The following SUGCT variants were observed in gnomAD, a reference collection of about 807,000 sequenced individuals.
SUGCT encodes the protein succinyl-CoA:glutarate CoA-transferase.
A neutral mutation model predicts 55.0 loss-of-function variants in SUGCT; 41 were observed. The ratio of observed to expected loss-of-function variants is 0.74; its 90% CI spans 0.58 to 0.97. The LOEUF (loss-of-function observed/expected upper bound fraction) is 0.97, where lower values mean the gene tolerates loss of function less well. Ranked by LOEUF, SUGCT falls within the 50% of genes least tolerant of loss-of-function variation. The pLI is 0.00. For synonymous variants in SUGCT, 187 were observed against 200.4 expected (o/e 0.93, Z 0.56); for missense variants, 568 against 547.8 (o/e 1.04, Z -0.37).
In SUGCT at chr7:40,467,349, A is replaced by G. The variant is rs556592933; in HGVS notation, c.986+8151A>G. ...GTACGTCTATAAATTTATGGGTAGC[A>G]TGAGATATTTTGATACAGGCATGCA... On this transcript the variant is annotated intron_variant, in intron 11 of 13. Coordinates refer to ENST00000335693, the MANE Select transcript of SUGCT (RefSeq NM_001193313.2). Among the ~76,000 whole-genome samples the G allele has an allele frequency of 3.3e-5, 5 of 152,214 alleles. No homozygotes were observed. The South Asian group carries it at 1.0e-3, about 32-fold the overall frequency.
intron 7 of SUGCT, among the ~76,000 whole-genome samples, chr7:40,252,630 T>C (rs1461152687): frequency 6.6e-6 from 1 of 152,162 alleles, no homozygotes; most frequent in East Asian, 1.9e-4. Flanking sequence ...TGGTATATAA[T>C]AGGAATTTGG....
intron 12 of SUGCT, among the ~76,000 whole-genome samples, chr7:40,617,348 A>G (rs1799053974): frequency 6.6e-6 from 1 of 152,246 alleles, no homozygotes; most frequent in Admixed American, 6.5e-5. Flanking sequence ...GAAGCTTTAT[A>G]CTTTTATGCT....
At chr7:40,433,187 A>G (rs1003864538) in intron 9 of SUGCT, among the ~76,000 whole-genome samples, 2 of 151,822 alleles carry the variant, frequency 1.3e-5, no homozygotes, top group Admixed American at 6.6e-5. Flanking sequence ...GGAGCTTCTC[A>G]TTTTGTTTAT....
intron 8 of SUGCT, among the ~76,000 whole-genome samples, chr7:40,289,253 T>G (rs1224049675): frequency 1.3e-5 from 2 of 151,524 alleles, no homozygotes; most frequent in African/African-American, 4.9e-5. Flanking sequence ...GAGGCGAGAG[T>G]ATCAGAATCA....
chr7:40,426,440 A>G (rs1326741705), intron 9 of SUGCT, among the ~76,000 whole-genome samples: 1 of 152,230 alleles, frequency 6.6e-6, no homozygotes, highest in Non-Finnish European at 1.5e-5. Context: ...TCTTTTAGAA[A>G]GATGACTTAT....
intron 12 of SUGCT, among the ~76,000 whole-genome samples, chr7:40,744,135 C>T (rs1787611947): frequency 1.3e-5 from 2 of 151,510 alleles, no homozygotes; most frequent in Admixed American, 6.6e-5. Flanking sequence ...GCCATGTCGG[C>T]CAGGCTGGTC....
intron 9 of SUGCT, among the ~76,000 whole-genome samples, chr7:40,383,556 C>T (rs1784974405): frequency 6.6e-6 from 1 of 152,174 alleles, no homozygotes; most frequent in Non-Finnish European, 1.5e-5. Flanking sequence ...GTGGCATTTG[C>T]TTTCAGAGAA....
chr7:40,230,591 A>T (rs534705194), intron 6 of SUGCT, among the ~76,000 whole-genome samples: 1 of 152,324 alleles, frequency 6.6e-6, no homozygotes, highest in African/African-American at 2.4e-5. Flanking sequence ...GGAATTAGTG[A>T]TCTATTGGAT....
chr7:40,561,686 G>GTTT (rs1409845352), intron 12 of SUGCT, among the ~76,000 whole-genome samples: 1 of 132,148 alleles, frequency 7.6e-6, no homozygotes, highest in Non-Finnish European at 1.6e-5. Flanking sequence ...CTTAAGCCGA[G>GTTT]TCTTTTTTTT....
chr7:40,803,467 C>T (rs888764162), intron 13 of SUGCT, among the ~76,000 whole-genome samples: 2 of 152,156 alleles, frequency 1.3e-5, no homozygotes, highest in African/African-American at 2.4e-5. Flanking sequence ...TTTTTTCTGA[C>T]TCCAAAGCCT....
chr7:40,842,420 T>A (rs1793324412), intron 13 of SUGCT, among the ~76,000 whole-genome samples: 1 of 152,208 alleles, frequency 6.6e-6, no homozygotes, highest in Non-Finnish European at 1.5e-5. Flanking sequence ...TCATGGAGTC[T>A]TACCTATTAC....
intron 12 of SUGCT, among the ~76,000 whole-genome samples, chr7:40,695,335 C>A (rs1784878297): frequency 6.6e-6 from 1 of 151,730 alleles, no homozygotes; most frequent in African/African-American, 2.4e-5. Flanking sequence ...ATAGCTGGGA[C>A]CACAGGCACG....
chr7:40,650,741 C>T (rs752486402), intron 12 of SUGCT, among the ~76,000 whole-genome samples: 10 of 152,148 alleles, frequency 6.6e-5, no homozygotes, highest in Non-Finnish European at 1.3e-4. Context: ...TTCTAGGGTA[C>T]ATCTGCAGGA....
At position 40,449,301 on chromosome 7, in the gene SUGCT, G is replaced by A. The variant is rs1562785943; in HGVS notation, c.831G>A (p.Lys277=). The A allele has an allele frequency of 5.0e-6, 8 of 1,611,138 alleles. No homozygotes were observed. The highest frequency in any genetic ancestry group is 6.8e-6 in the Non-Finnish European group (8 of 1,177,940). ...ATTTCTTTTAGGCTTTTAAAACCAA[G>A]GATGGCTATATTGTAGTTGGAGCAG... is the stretch of plus-strand genomic sequence containing the variant. The part of the protein sequence containing the change: ...SIVPYQAFKT[K]DGYIVVGAGN... The change falls in exon 10 of 14, where the codon AAG becomes AAA. Residue 277 remains lysine, a synonymous_variant. Transcript: ENST00000335693.
At chr7:40,157,017 A>AAG (rs1266053200) in intron 1 of SUGCT, among the ~76,000 whole-genome samples, 5 of 151,792 alleles carry the variant, frequency 3.3e-5, no homozygotes, top group Non-Finnish European at 5.9e-5. Flanking sequence ...TGTCTCAAAA[A>AAG]AAAAAAAAAA....
At chr7:40,671,311 A>ATTT (rs1801927555) in intron 12 of SUGCT, among the ~76,000 whole-genome samples, 1 of 152,172 alleles carries the variant, frequency 6.6e-6, no homozygotes, top group East Asian at 1.9e-4. Context: ...TCATTATAAG[A>ATTT]CTCTCGGAAA....
chr7:40,679,946 T>G (rs955176355), intron 12 of SUGCT, among the ~76,000 whole-genome samples: 2 of 152,206 alleles, frequency 1.3e-5, no homozygotes, highest in African/African-American at 4.8e-5. Flanking sequence ...TAGAAAGATA[T>G]GCTGTTTGAT....
intron 12 of SUGCT, among the ~76,000 whole-genome samples, chr7:40,733,002 G>A (rs1216711056): frequency 2.0e-5 from 3 of 152,150 alleles, no homozygotes; most frequent in Non-Finnish European, 4.4e-5. Context: ...TTGAACCCAG[G>A]AGGCAGAGGT....
intron 6 of SUGCT, among the ~76,000 whole-genome samples, chr7:40,230,430 A>C (rs1257637469): frequency 6.6e-6 from 1 of 152,224 alleles, no homozygotes; most frequent in African/African-American, 2.4e-5. Flanking sequence ...TAAGAATTTC[A>C]ATAAGGAAAT....
Sources: allele counts gnomAD v4.1 joint callset (sites outside exome capture counted in the v4.1 genomes callset), GRCh38; gene constraint gnomAD v4.1.1; transcripts MANE v1.5; gene names NCBI Gene and HGNC (gene_info 2026-07-23, HGNC 2026-07-21).